LDLRAD3: variants seen among roughly 807,000 people sequenced by gnomAD.
LDLRAD3 encodes the protein low density lipoprotein receptor class A domain containing 3, also known as low-density lipoprotein receptor class A domain-containing protein 3.
LDLRAD3 carries 20 observed loss-of-function variants against 29.4 expected under a neutral mutation model. The ratio of observed to expected loss-of-function variants is 0.68; its 90% CI spans 0.48 to 0.99. The LOEUF (loss-of-function observed/expected upper bound fraction) is 0.99. Among genes scored for constraint, LDLRAD3 ranks in the 50% least tolerant of loss-of-function variants. LDLRAD3 has a pLI of 0.00. For synonymous variants in LDLRAD3, 157 were observed against 192.7 expected, an observed-to-expected ratio of 0.81 and a Z score of 1.53; for missense variants, 420 against 454.3, an observed-to-expected ratio of 0.92 and a Z score of 0.69.
At chr11:36,017,128 A>T (rs1171492567) in intron 1 of LDLRAD3, among the ~76,000 whole-genome samples, 1 of 152,174 alleles carries the variant, frequency 6.6e-6, no homozygotes, top group Non-Finnish European at 1.5e-5. Flanking sequence ...CCTTTGAAAG[A>T]TTTTTAGGAT....
At chr11:36,202,524 C>T (rs2133375383) in intron 4 of LDLRAD3, among the ~76,000 whole-genome samples, 1 of 152,312 alleles carries the variant, frequency 6.6e-6, no homozygotes, top group South Asian at 2.1e-4. Flanking sequence ...TTCAGAGTCA[C>T]TTGCGTAGCA....
chr11:35,994,656 CTG>C (rs1851731765), intron 1 of LDLRAD3, among the ~76,000 whole-genome samples: 1 of 152,204 alleles, frequency 6.6e-6, no homozygotes, highest in Non-Finnish European at 1.5e-5. Flanking sequence ...AAAGACTTCT[CTG>C]TAGCACGCAA....
At chr11:36,012,381 C>T (rs1411993408) in intron 1 of LDLRAD3, among the ~76,000 whole-genome samples, 2 of 152,172 alleles carry the variant, frequency 1.3e-5, no homozygotes, top group Non-Finnish European at 2.9e-5. Flanking sequence ...ATCTTAGCAA[C>T]CTCAGCATAA....
intron 4 of LDLRAD3, among the ~76,000 whole-genome samples, chr11:36,128,782 G>A (rs1466145088): frequency 6.6e-6 from 1 of 151,912 alleles, no homozygotes; most frequent in African/African-American, 2.4e-5. Flanking sequence ...CCAGGAGGCT[G>A]AGGTTGCAGT....
At chr11:36,180,393 T>C (rs1345687241) in intron 4 of LDLRAD3, among the ~76,000 whole-genome samples, 2 of 152,164 alleles carry the variant, frequency 1.3e-5, no homozygotes, top group Admixed American at 6.5e-5. Context: ...AGACTGGTTG[T>C]ACAGCAGTGA....
At chr11:36,081,475 G>A (rs554917267) in intron 2 of LDLRAD3, among the ~76,000 whole-genome samples, 178 bp from the exon 3 acceptor site, 24 of 152,356 alleles carry the variant, frequency 1.6e-4, no homozygotes, top group African/African-American at 4.8e-4. Context: ...ACAATGTGGC[G>A]TGTGGGTGTC....
intron 4 of LDLRAD3, among the ~76,000 whole-genome samples, chr11:36,123,751 A>G (rs1265472117): frequency 6.6e-6 from 1 of 152,228 alleles, no homozygotes; most frequent in Admixed American, 6.5e-5. Flanking sequence ...GAGTCCAGCC[A>G]GGCTGTGGCA....
At chr11:36,047,671 C>G (rs966571642) in intron 2 of LDLRAD3, among the ~76,000 whole-genome samples, 1 of 152,162 alleles carries the variant, frequency 6.6e-6, no homozygotes, top group Non-Finnish European at 1.5e-5. Flanking sequence ...GTGAGAAGGA[C>G]CTGGCTCTGC....
At chr11:35,991,069 C>CGAAA (rs1851683082) in intron 1 of LDLRAD3, among the ~76,000 whole-genome samples, 1 of 152,212 alleles carries the variant, frequency 6.6e-6, no homozygotes, top group African/African-American at 2.4e-5. Context: ...GCGGTCTTTT[C>CGAAA]AGACCTTGGA....
chr11:36,029,910 C>G (rs1313200103), intron 1 of LDLRAD3, among the ~76,000 whole-genome samples: 1 of 152,204 alleles, frequency 6.6e-6, no homozygotes, highest in Non-Finnish European at 1.5e-5. Flanking sequence ...TCAGTTGTTC[C>G]TGCTGCAGAA....
intron 4 of LDLRAD3, among the ~76,000 whole-genome samples, chr11:36,147,678 C>G (rs554550359): frequency 6.6e-6 from 1 of 152,136 alleles, no homozygotes; most frequent in African/African-American, 2.4e-5. Context: ...AGAATATCTC[C>G]TCATGGGGCT....
At chr11:36,189,369 A>T (rs1166493434) in intron 4 of LDLRAD3, among the ~76,000 whole-genome samples, 1 of 152,056 alleles carries the variant, frequency 6.6e-6, no homozygotes, top group Admixed American at 6.6e-5. Flanking sequence ...ATGTGATCCC[A>T]GCTACATGAG....
intron 4 of LDLRAD3, among the ~76,000 whole-genome samples, chr11:36,222,640 C>T (rs12275029): frequency 0.22 from 33,584 of 152,022 alleles, 3,983 homozygotes; most frequent in Admixed American, 0.31. Flanking sequence ...AGTGAAAGAA[C>T]ACCAAGTCAC....
chr11:36,078,841 C>T (rs942378313), intron 2 of LDLRAD3, among the ~76,000 whole-genome samples: 9 of 152,134 alleles, frequency 5.9e-5, no homozygotes, highest in South Asian at 2.1e-4. Flanking sequence ...CCCAGGGTGG[C>T]GGGCAAGGTG....
At position 36,031,643 on chromosome 11, in the gene LDLRAD3, A is replaced by G. The variant is rs61879151; in HGVS notation, c.47-4460A>G. On this transcript the variant is annotated intron_variant, in intron 1 of 5. Coordinates refer to ENST00000315571, the MANE Select transcript of LDLRAD3 (RefSeq NM_174902.4). ...GAGTGTTCAGTCTAGATGGAGAGACAGTACAGACACACCAGTAAGCAAAAG... is the reference window on the plus strand; with the variant it reads ...GAGTGTTCAGTCTAGATGGAGAGACGGTACAGACACACCAGTAAGCAAAAG... Among the ~76,000 whole-genome samples, 715 of 152,330 alleles carry G rather than the reference A, an allele frequency of 4.7e-3. 4 individuals are homozygous for G. Among genetic ancestry groups the G allele is most frequent in the Non-Finnish European group, 7.0e-3 (474 of 68,034 alleles).
rs547646583 is a variant in LDLRAD3, at chr11:35,991,430, A to C, written c.47-44673A>C. 2.0e-5 allele frequency among the ~76,000 whole-genome samples: 3 copies of C among 152,290 alleles called. No individual in the cohort carries two copies. In the South Asian group the frequency reaches 6.2e-4, roughly 32 times the overall value. Reference sequence around the variant, plus strand: ...TATATTACATTCCGTATTATGCCGGAACATGGTGAAATTAATTGCGGCCAG... The same window carrying C: ...TATATTACATTCCGTATTATGCCGGCACATGGTGAAATTAATTGCGGCCAG... On this transcript the variant is annotated intron_variant, in intron 1 of 5. Coordinates refer to ENST00000315571, the MANE Select transcript of LDLRAD3 (RefSeq NM_174902.4).
intron 1 of LDLRAD3, among the ~76,000 whole-genome samples, chr11:35,962,956 C>T (rs1851295992): frequency 1.3e-5 from 2 of 152,112 alleles, no homozygotes; most frequent in African/African-American, 4.8e-5. Flanking sequence ...AGTAGATATA[C>T]CAGAAGAAGA....
chr11:35,961,513 G>C (rs1421917827), intron 1 of LDLRAD3, among the ~76,000 whole-genome samples: 2 of 152,214 alleles, frequency 1.3e-5, no homozygotes, highest in Admixed American at 6.5e-5. Context: ...CATGAATGCA[G>C]GTTGCTTAGC....
At chr11:36,176,108 A>G (rs12809045) in intron 4 of LDLRAD3, among the ~76,000 whole-genome samples, 8,018 of 152,112 alleles carry the variant, frequency 0.053, 246 homozygotes, top group Middle Eastern at 0.11. Flanking sequence ...TGTTTTGTCT[A>G]TAGCTACTCC....
Sources: gnomAD v4.1 joint callset for allele counts (sites outside exome capture counted in the v4.1 genomes callset) on GRCh38, gnomAD v4.1.1 for gene constraint, MANE v1.5 for transcripts, NCBI Gene and HGNC (gene_info 2026-07-23, HGNC 2026-07-21) for gene names.